Variants in CTXND1 observed in about 807,000 individuals in gnomAD.
CTXND1 encodes the protein cortexin domain-containing 1 protein.
intron 1 of CTXND1, among the ~76,000 whole-genome samples, chr15:80,245,458 G>C (rs1356712697): frequency 6.6e-6 from 1 of 152,220 alleles, no homozygotes; most frequent in Non-Finnish European, 1.5e-5. Context: ...GTTACCTTCA[G>C]ATCCTGGTTG....
chr15:80,244,316 T>A (rs555203241), intron 1 of CTXND1, among the ~76,000 whole-genome samples: 3 of 152,222 alleles, frequency 2.0e-5, no homozygotes, highest in Non-Finnish European at 4.4e-5. Context: ...GTGAGGGATA[T>A]GCTGTCAAAG....
intron 1 of CTXND1, among the ~76,000 whole-genome samples, chr15:80,247,193 C>T (rs1216310382): frequency 1.3e-5 from 2 of 152,134 alleles, no homozygotes; most frequent in Non-Finnish European, 2.9e-5. Context: ...ATCTCCAAGG[C>T]TCCATAATTT....
chr15:80,240,365 TCC>T (rs1020965325), intron 1 of CTXND1, among the ~76,000 whole-genome samples: 2 of 152,180 alleles, frequency 1.3e-5, no homozygotes, highest in Non-Finnish European at 2.9e-5. Flanking sequence ...GACCAAGGTC[TCC>T]CTCTCTCTAC....
intron 1 of CTXND1, among the ~76,000 whole-genome samples, chr15:80,217,221 T>TA (rs886361311): frequency 2.6e-5 from 4 of 151,648 alleles, no homozygotes; most frequent in Middle Eastern, 3.2e-3. Context: ...CTTGGGGAGT[T>TA]AAAAAAAATG....
At chr15:80,238,699 TCTC>T (rs2141462638) in intron 1 of CTXND1, among the ~76,000 whole-genome samples, 1 of 152,276 alleles carries the variant, frequency 6.6e-6, no homozygotes, top group South Asian at 2.1e-4. Context: ...ATGGTCTCGA[TCTC>T]CTGACCTCGT....
chr15:80,217,707 G>A (rs1284987187), intron 1 of CTXND1, among the ~76,000 whole-genome samples: 2 of 151,394 alleles, frequency 1.3e-5, no homozygotes, highest in Non-Finnish European at 2.9e-5. Context: ...CCACCATACC[G>A]GGCTAATTCT....
rs1893699130 is a variant in CTXND1, at chr15:80,251,754, C to T, written c.-218+253G>A. On this transcript the variant is annotated intron_variant, in intron 1 of 2. Coordinates refer to ENST00000560778, the MANE Select transcript of CTXND1 (RefSeq NM_001352888.2). The stretch of plus-strand genomic sequence containing the variant: ...GTGCGGCTCCCACCGAGGCTGCTGT[C>T]CCCTGCCGCGCGGGTCCGGCCCTCC... Among the ~76,000 whole-genome samples, 5 of 152,178 alleles carry T rather than the reference C, an allele frequency of 3.3e-5. 1 individual carries two copies. The South Asian group carries it at 1.0e-3, about 32-fold the overall frequency.
chr15:80,237,975 C>T (rs946208278), intron 1 of CTXND1, among the ~76,000 whole-genome samples: 2 of 134,336 alleles, frequency 1.5e-5, no homozygotes, highest in African/African-American at 2.9e-5. Flanking sequence ...TGCCACTGCA[C>T]TCCAGCCTGG....
chr15:80,211,154 C>T (rs1014262893), intron 1 of CTXND1, among the ~76,000 whole-genome samples: 6 of 152,156 alleles, frequency 3.9e-5, no homozygotes, highest in Non-Finnish European at 7.3e-5. Flanking sequence ...CCTGTTAGGC[C>T]GGCTCACAGT....
intron 2 of CTXND1, among the ~76,000 whole-genome samples, chr15:80,203,030 G>A (rs7181612): frequency 0.35 from 52,662 of 152,070 alleles, 9,297 homozygotes; most frequent in African/African-American, 0.43. Flanking sequence ...TGCTTCACAG[G>A]GATGTGACGA....
At chr15:80,243,013 A>T (rs1299863543) in intron 1 of CTXND1, among the ~76,000 whole-genome samples, 1 of 152,168 alleles carries the variant, frequency 6.6e-6, no homozygotes, top group African/African-American at 2.4e-5. Context: ...GAAAGACTTG[A>T]TCTGTGACCA....
chr15:80,218,457 T>G (rs1014826846), intron 1 of CTXND1, among the ~76,000 whole-genome samples: 3 of 152,190 alleles, frequency 2.0e-5, no homozygotes, highest in Admixed American at 6.5e-5. Flanking sequence ...TATTTCTTAT[T>G]GCATATATTA....
rs1251901004 is a variant in CTXND1 at position 80,198,790 on chromosome 15, G to A, written c.*2980C>T. The A allele has an allele frequency of 2.6e-5, 4 of 152,034 alleles. No individual in the cohort carries two copies. The highest frequency in any genetic ancestry group is 9.7e-5 in the African/African-American group (4 of 41,376). The allele number at this position is 152,034 out of a possible 1,614,324, so 9.4% of individuals were successfully genotyped here. A position where few individuals can be genotyped will look rare whatever the true frequency, so the allele number is the denominator to read the frequency against. On this transcript the variant is annotated 3_prime_UTR_variant, in exon 3 of 3. Transcript: ENST00000560778. ...TTTTTGCTTGGAACATGTACAACAGGGAAAATGGAAGAAATCCAAATATTT... is the reference window on the plus strand; with the variant it reads ...TTTTTGCTTGGAACATGTACAACAGAGAAAATGGAAGAAATCCAAATATTT...
chr15:80,233,441 G>C (rs867035757), intron 1 of CTXND1, among the ~76,000 whole-genome samples: 11 of 151,890 alleles, frequency 7.2e-5, no homozygotes, highest in African/African-American at 2.2e-4. Flanking sequence ...TCCCTCTCTA[G>C]GTATCCAAGC....
intron 1 of CTXND1, among the ~76,000 whole-genome samples, chr15:80,241,676 C>A (rs938035884): frequency 1.3e-5 from 2 of 152,200 alleles, no homozygotes; most frequent in Admixed American, 1.3e-4. Flanking sequence ...CCCCACAGAG[C>A]TGAGATGATG....
chr15:80,201,836 C>A lies in CTXND1; in HGVS notation c.114G>T (p.Lys38Asn), dbSNP rs1395827880. Residue 38 changes from lysine (K) to asparagine (N), a missense_variant, in exon 3 of 3, where the codon AAG becomes AAT. Transcript: ENST00000560778. The stretch of plus-strand genomic sequence containing the variant: ...TGGCGCTGTAAGGGTCCATGATGAC[C>A]TTGGCACAGCGGATGATCATCACGA... ...FLVVMIIRCA[K>N]VIMDPYSAIP... 8 of 398,718 alleles carry A rather than the reference C, an allele frequency of 2.0e-5. No homozygotes were observed. Among genetic ancestry groups the A allele is most frequent in the Non-Finnish European group, 2.7e-5 (6 of 226,166 alleles). 24.7% of individuals were successfully genotyped at this position (398,718 alleles called of 1,614,324 possible).
chr15:80,218,486 T>C (rs576968425), intron 1 of CTXND1, among the ~76,000 whole-genome samples: 14 of 152,318 alleles, frequency 9.2e-5, no homozygotes, highest in African/African-American at 3.4e-4. Flanking sequence ...TGTTTTCTCT[T>C]GGTTAGGCTT....
intron 1 of CTXND1, among the ~76,000 whole-genome samples, chr15:80,237,901 C>A (rs1473100370): frequency 6.7e-6 from 1 of 148,520 alleles, no homozygotes; most frequent in Non-Finnish European, 1.5e-5. Flanking sequence ...CCCAGCTACT[C>A]AGGAGACTGA....
intron 1 of CTXND1, among the ~76,000 whole-genome samples, chr15:80,225,094 G>T (rs1387568318): frequency 6.6e-6 from 1 of 152,190 alleles, no homozygotes; most frequent in Non-Finnish European, 1.5e-5. Context: ...CCTTATACGT[G>T]AAGTGTTGTT....
Sources: allele counts gnomAD v4.1 joint callset (sites outside exome capture counted in the v4.1 genomes callset), GRCh38; gene constraint gnomAD v4.1.1; transcripts MANE v1.5; gene names NCBI Gene and HGNC (gene_info 2026-07-23, HGNC 2026-07-21).